ZBTB20: variants seen among roughly 807,000 people sequenced by gnomAD.
The protein encoded by ZBTB20 is zinc finger and BTB domain containing 20, also known as zinc finger and BTB domain-containing protein 20.
ZBTB20 carries 9 observed loss-of-function variants against 56.9 expected under a neutral mutation model. That is an observed-to-expected ratio of 0.16 (90% CI 0.10 to 0.28). ZBTB20 has a LOEUF of 0.28. Among genes scored for constraint, ZBTB20 ranks in the 10% least tolerant of loss-of-function variants. ZBTB20 has a pLI of 1.00. For missense variants in ZBTB20, 655 were observed against 1,003.0 expected (o/e 0.65, Z 4.69); for synonymous variants, 417 against 420.7 (o/e 0.99, Z 0.11).
At chr3:114,843,826 G>T (rs1350332594) in intron 4 of ZBTB20, among the ~76,000 whole-genome samples, 1 of 145,948 alleles carries the variant, frequency 6.9e-6, no homozygotes, top group Non-Finnish European at 1.5e-5. Flanking sequence ...ACAGGTGCCT[G>T]CCATCACACC....
At chr3:114,710,407 C>T (rs920075468) in intron 5 of ZBTB20, 1 of 152,178 alleles carries the variant, frequency 6.6e-6, no homozygotes, top group Non-Finnish European at 1.5e-5. Context: ...ATCCAACTGC[C>T]TACTACATCT....
intron 4 of ZBTB20, among the ~76,000 whole-genome samples, chr3:114,897,267 C>T (rs1045943073): frequency 2.0e-5 from 3 of 152,108 alleles, no homozygotes; most frequent in Non-Finnish European, 4.4e-5. Context: ...TCTCACTAGC[C>T]TGTATCCTCT....
chr3:114,805,700 C>A (rs1240414430), intron 4 of ZBTB20, among the ~76,000 whole-genome samples: 3 of 151,606 alleles, frequency 2.0e-5, no homozygotes, highest in African/African-American at 7.3e-5. Flanking sequence ...ATAACCATCA[C>A]CTCAATTCAT....
In ZBTB20 at chr3:114,351,109, T is replaced by C. The variant is rs1175911703; in HGVS notation, c.969A>G (p.Leu323=). The C allele has an allele frequency of 3.1e-6, 5 of 1,608,532 alleles. No individual in the cohort carries two copies. The highest frequency in any genetic ancestry group is 3.4e-6 in the Non-Finnish European group (4 of 1,179,680). The change falls in exon 11 of 12, where the codon CTA becomes CTG. Residue 323 remains leucine, a synonymous_variant. Transcript: ENST00000675478. The part of the protein sequence containing the change: ...KQPRPVRIQT[L]VGNIHIKQEM... ...CCTGCTTGATGTGGATGTTGCCCACTAGGGTCTGGATGCGCACAGGCCGGG... is the reference window on the plus strand; with the variant it reads ...CCTGCTTGATGTGGATGTTGCCCACCAGGGTCTGGATGCGCACAGGCCGGG...
chr3:114,725,237 C>A (rs1244350874), intron 5 of ZBTB20, among the ~76,000 whole-genome samples: 1 of 152,168 alleles, frequency 6.6e-6, no homozygotes, highest in African/African-American at 2.4e-5. Context: ...TTTATGCACA[C>A]AGAGTTAAAA....
intron 1 of ZBTB20, among the ~76,000 whole-genome samples, chr3:115,115,004 T>G (rs1302220633): frequency 6.6e-6 from 1 of 152,096 alleles, no homozygotes; most frequent in Admixed American, 6.5e-5. Context: ...GTGGTGCAAA[T>G]GATATTCATG....
intron 6 of ZBTB20, among the ~76,000 whole-genome samples, chr3:114,524,087 C>A (rs2046945281): frequency 1.3e-5 from 2 of 152,092 alleles, no homozygotes; most frequent in South Asian, 4.2e-4. Context: ...GTTAAAGGCG[C>A]ATACAAGGAA....
In ZBTB20 at chr3:114,540,995, T is replaced by C. The variant is rs11922181; in HGVS notation, c.-294-40604A>G. Among the ~76,000 whole-genome samples the C allele has an allele frequency of 6.5e-3, 993 of 152,186 alleles. 5 individuals carry two copies. Among genetic ancestry groups the C allele is most frequent in the African/African-American group, 0.018 (761 of 41,538 alleles). On this transcript the variant is annotated intron_variant, in intron 6 of 11. Coordinates refer to ENST00000675478, the MANE Select transcript of ZBTB20 (RefSeq NM_001348800.3). The stretch of plus-strand genomic sequence containing the variant: ...ACCCTAGGACTTTTTCCTGAGATTC[T>C]TGTTACCTGTAAACTCTTGAATATA...
chr3:114,512,523 C>T (rs1004077184), intron 6 of ZBTB20, among the ~76,000 whole-genome samples: 24 of 152,050 alleles, frequency 1.6e-4, no homozygotes, highest in Admixed American at 1.4e-3. Context: ...CATGATGATT[C>T]CTCTTCTTGT....
intron 2 of ZBTB20, among the ~76,000 whole-genome samples, chr3:115,005,363 C>T (rs1560483435): frequency 6.6e-6 from 1 of 151,464 alleles, no homozygotes; most frequent in Non-Finnish European, 1.5e-5. Flanking sequence ...CCAAATATAT[C>T]ATGAAAACAT....
At chr3:115,089,568 A>C (rs2083112228) in intron 1 of ZBTB20, among the ~76,000 whole-genome samples, 1 of 151,850 alleles carries the variant, frequency 6.6e-6, no homozygotes, top group African/African-American at 2.4e-5. Flanking sequence ...AGACATTATC[A>C]TTTAACACAA....
At chr3:114,436,659 A>C (rs972279666) in intron 7 of ZBTB20, among the ~76,000 whole-genome samples, 4 of 152,196 alleles carry the variant, frequency 2.6e-5, no homozygotes, top group Non-Finnish European at 5.9e-5. Flanking sequence ...ACCCTTTGCT[A>C]TCATACTGGG....
At chr3:114,476,754 A>G (rs1472981348) in intron 7 of ZBTB20, among the ~76,000 whole-genome samples, 1 of 152,228 alleles carries the variant, frequency 6.6e-6, no homozygotes, top group African/African-American at 2.4e-5. Flanking sequence ...ATCAGAGATT[A>G]AGTGTCCAAC....
intron 5 of ZBTB20, among the ~76,000 whole-genome samples, chr3:114,792,523 G>A (rs574947988): frequency 4.6e-5 from 7 of 152,236 alleles, no homozygotes; most frequent in East Asian, 1.9e-4. Context: ...TCTAATTACC[G>A]TAAAATTGTT....
chr3:114,993,791 C>T (rs923566833), intron 2 of ZBTB20, among the ~76,000 whole-genome samples: 2 of 151,642 alleles, frequency 1.3e-5, no homozygotes, highest in African/African-American at 2.4e-5. Flanking sequence ...GCTTTAAATG[C>T]ATATATTAGA....
intron 4 of ZBTB20, among the ~76,000 whole-genome samples, chr3:114,860,257 A>T (rs895758330): frequency 6.6e-6 from 1 of 151,956 alleles, no homozygotes; most frequent in Non-Finnish European, 1.5e-5. Flanking sequence ...CAGTGAGCCG[A>T]GATCGTGCCA....
In ZBTB20 at chr3:115,070,707, T is replaced by C. The variant is rs187833321; in HGVS notation, c.-507+512A>G. On this transcript the variant is annotated intron_variant, in intron 2 of 11. Transcript: ENST00000675478. ...CTTTAATTAGAAATTGTAGGAGACT[T>C]CTTCACTGACAAAAACTAAGAGCAC... Among the ~76,000 whole-genome samples the C allele has an allele frequency of 4.1e-3, 625 of 152,210 alleles. 4 individuals are homozygous for C. The highest frequency in any genetic ancestry group is 0.014 in the African/African-American group (593 of 41,552).
At chr3:114,562,379 G>A (rs58183629) in intron 6 of ZBTB20, among the ~76,000 whole-genome samples, 2,916 of 152,112 alleles carry the variant, frequency 0.019, 94 homozygotes, top group African/African-American at 0.066. Context: ...TGGCCAGGAT[G>A]GTCTCGATCT....
At chr3:114,367,400 G>A (rs2082526984) in intron 10 of ZBTB20, among the ~76,000 whole-genome samples, 1 of 152,130 alleles carries the variant, frequency 6.6e-6, no homozygotes, top group African/African-American at 2.4e-5. Context: ...CCAAGTAGCT[G>A]GACTACAAGT....
Sources: gnomAD v4.1 joint callset for allele counts (sites outside exome capture counted in the v4.1 genomes callset) on GRCh38, gnomAD v4.1.1 for gene constraint, MANE v1.5 for transcripts, NCBI Gene and HGNC (gene_info 2026-07-23, HGNC 2026-07-21) for gene names.